Variants in DAB1 observed in about 807,000 individuals in gnomAD.
The protein encoded by DAB1 is disabled homolog 1.
A neutral mutation model predicts 64.6 loss-of-function variants in DAB1; 15 were observed. The observed-to-expected ratio is 0.23, with a 90% CI of 0.16 to 0.36. The LOEUF is 0.36. Among genes scored for constraint, DAB1 ranks in the 10% least tolerant of loss-of-function variants. DAB1 has a pLI of 1.00. For missense variants in DAB1, 596 were observed against 706.7 expected, an observed-to-expected ratio of 0.84 and a Z score of 1.78; for synonymous variants, 235 against 251.9, an observed-to-expected ratio of 0.93 and a Z score of 0.64.
intron 7 of DAB1, among the ~76,000 whole-genome samples, chr1:57,464,752 C>G (rs190209809): frequency 1.3e-5 from 2 of 152,138 alleles, no homozygotes; most frequent in Admixed American, 1.3e-4. Context: ...GGGAAAAAGA[C>G]AGTCGATTGG....
At position 57,157,954 on chromosome 1, in the gene DAB1, C is replaced by T. The variant is rs115017857; in HGVS notation, c.68-12525G>A. Among the ~76,000 whole-genome samples the T allele has an allele frequency of 1.2e-3, 188 of 152,228 alleles. 2 individuals carry two copies. Among genetic ancestry groups the T allele is most frequent in the South Asian group, 1.9e-3 (9 of 4,816 alleles). On this transcript the variant is annotated intron_variant, in intron 2 of 14. Coordinates refer to ENST00000371236, the MANE Select transcript of DAB1 (RefSeq NM_001365792.1). ...GCACAGGGAAATGAAGTCATTGGTG[C>T]GAGGCCACGCTGCTAAGGAGGGCGT...
At chr1:57,928,256 C>A (rs1041452727) in intron 5 of DAB1, among the ~76,000 whole-genome samples, 1 of 152,062 alleles carries the variant, frequency 6.6e-6, no homozygotes, top group Non-Finnish European at 1.5e-5. Context: ...CCCTATCCCC[C>A]GAGAGGCAAC....
At chr1:58,232,488 C>T (rs956199709) in intron 4 of DAB1, among the ~76,000 whole-genome samples, 1 of 47,758 alleles carries the variant, frequency 2.1e-5, no homozygotes. Context: ...CACACACACA[C>T]ACACACACAC....
chr1:57,219,880 C>CAG lies in DAB1; in HGVS notation c.67+71082_67+71083dup, dbSNP rs373548976. Among the ~76,000 whole-genome samples the CAG allele has an allele frequency of 4.5e-3, 692 of 152,282 alleles. 4 individuals carry two copies. Among genetic ancestry groups the CAG allele is most frequent in the African/African-American group, 0.015 (642 of 41,546 alleles). ...AAGGCAGCATTGAGAGACCCCTGAG[C>CAG]AGAGGACCCTGCAAAGCTGGGCCGA... On this transcript the variant is annotated intron_variant, in intron 2 of 14. Transcript: ENST00000371236.
At chr1:58,233,519 C>T (rs559543096) in intron 4 of DAB1, among the ~76,000 whole-genome samples, 16 of 152,314 alleles carry the variant, frequency 1.1e-4, no homozygotes, top group African/African-American at 2.4e-4. Flanking sequence ...GTGAGGACTG[C>T]TGCTGTTACC....
intron 4 of DAB1, among the ~76,000 whole-genome samples, chr1:58,226,681 G>A (rs951421): frequency 0.57 from 87,086 of 152,122 alleles, 27,510 homozygotes; most frequent in Non-Finnish European, 0.72. Context: ...AAGACACTTT[G>A]CCAAATGCTT....
At chr1:57,291,915 C>T (rs1991093) in intron 1 of DAB1, among the ~76,000 whole-genome samples, 61,366 of 151,706 alleles carry the variant, frequency 0.4, 12,941 homozygotes, top group Admixed American at 0.58. Flanking sequence ...TACTATATAC[C>T]ATGCCCTTAG....
At chr1:57,334,785 G>C (rs1045917867) in intron 1 of DAB1, among the ~76,000 whole-genome samples, 1 of 152,168 alleles carries the variant, frequency 6.6e-6, no homozygotes, top group African/African-American at 2.4e-5. Context: ...GCAGGGATGG[G>C]TGAACCTGCC....
chr1:57,543,188 C>T (rs190860963), intron 7 of DAB1, among the ~76,000 whole-genome samples: 4 of 152,266 alleles, frequency 2.6e-5, no homozygotes, highest in East Asian at 3.9e-4. Context: ...TTAAGTTTCA[C>T]GGTTTTCTAC....
intron 1 of DAB1, among the ~76,000 whole-genome samples, chr1:57,310,061 A>C (rs140961409): frequency 6.6e-6 from 1 of 152,246 alleles, no homozygotes; most frequent in Non-Finnish European, 1.5e-5. Context: ...GCTGTTTACC[A>C]TACATTGTTC....
intron 3 of DAB1, among the ~76,000 whole-genome samples, chr1:58,365,451 C>T (rs1305731924): frequency 6.6e-6 from 1 of 152,160 alleles, no homozygotes; most frequent in East Asian, 1.9e-4. Flanking sequence ...AATTACACTC[C>T]TTATGGGGCT....
chr1:58,037,990 T>C (rs760721619), intron 5 of DAB1, among the ~76,000 whole-genome samples: 1 of 152,202 alleles, frequency 6.6e-6, no homozygotes, highest in Non-Finnish European at 1.5e-5. Context: ...ATAACCATTG[T>C]GTATGAGCCA....
At chr1:58,292,245 T>C (rs1475832827) in intron 4 of DAB1, among the ~76,000 whole-genome samples, 1 of 152,130 alleles carries the variant, frequency 6.6e-6, no homozygotes, top group East Asian at 1.9e-4. Context: ...TCCGTAATTG[T>C]GTGCTCTGGA....
At chr1:57,886,632 C>T (rs945761414), upstream of DAB1, among the ~76,000 whole-genome samples, 17 of 152,164 alleles carry the variant, frequency 1.1e-4, no homozygotes, top group South Asian at 1.2e-3. Context: ...CTTAGTGTCA[C>T]GAATGGCAGT....
At chr1:58,124,063 A>C (rs1184374670) in intron 5 of DAB1, among the ~76,000 whole-genome samples, 10 of 152,154 alleles carry the variant, frequency 6.6e-5, no homozygotes, top group African/African-American at 2.4e-4. Flanking sequence ...AGTTACTGTG[A>C]ATGTACATAT....
chr1:58,232,512 C>T (rs1422609387), intron 4 of DAB1, among the ~76,000 whole-genome samples: 1 of 110,830 alleles, frequency 9.0e-6, no homozygotes, highest in Non-Finnish European at 2.2e-5. Flanking sequence ...CACACACACA[C>T]ACACACACAC....
chr1:57,585,047 G>A (rs1301449578), intron 7 of DAB1, among the ~76,000 whole-genome samples: 11 of 148,248 alleles, frequency 7.4e-5, no homozygotes, highest in East Asian at 4.0e-4. Flanking sequence ...TCAGGAGTTC[G>A]AGACCAGCCT....
In DAB1 at chr1:56,998,106, T is replaced by G. The variant is rs1431637365; in HGVS notation, c.*38A>C. On this transcript the variant is annotated 3_prime_UTR_variant, in exon 15 of 15. Coordinates refer to ENST00000371236, the MANE Select transcript of DAB1 (RefSeq NM_001365792.1). ...ATGCTATTTCTTAGGTCTGTTGATC[T>G]GCGCGTACAGAGGCTCTGGCTCCTG... is the stretch of plus-strand genomic sequence containing the variant. The G allele has an allele frequency of 6.6e-6, 1 of 152,648 alleles. No individual in the cohort carries two copies. The highest frequency in any genetic ancestry group is 6.5e-5 in the Admixed American group (1 of 15,284). 9.5% of individuals were successfully genotyped at this position (152,648 alleles called of 1,614,324 possible). A position where few individuals can be genotyped will look rare whatever the true frequency, so the allele number is the denominator to read the frequency against.
At chr1:58,418,924 T>G (rs763145504) in intron 3 of DAB1, among the ~76,000 whole-genome samples, 4 of 152,196 alleles carry the variant, frequency 2.6e-5, no homozygotes, top group Non-Finnish European at 5.9e-5. Flanking sequence ...GTGGAAAAAC[T>G]GAAATGTCAT....
Sources: allele counts gnomAD v4.1 joint callset (sites outside exome capture counted in the v4.1 genomes callset), GRCh38; gene constraint gnomAD v4.1.1; transcripts MANE v1.5; gene names NCBI Gene and HGNC (gene_info 2026-07-23, HGNC 2026-07-21).